GRIN2D: variants seen among roughly 807,000 people sequenced by gnomAD.
GRIN2D encodes the protein glutamate ionotropic receptor NMDA type subunit 2D.
In GRIN2D, 37 loss-of-function variants were observed where a neutral mutation model predicts 103.2. The observed-to-expected ratio is 0.36, with a 90% CI of 0.28 to 0.47. GRIN2D has a LOEUF of 0.47. Among genes scored for constraint, GRIN2D ranks in the 20% least tolerant of loss-of-function variants. The pLI, the probability that GRIN2D is intolerant of heterozygous loss-of-function variation, is 1.00. For missense variants in GRIN2D, 1,557 were observed against 1,910.6 expected (o/e 0.81, Z 3.45); for synonymous variants, 845 against 885.6 (o/e 0.95, Z 0.81).
In GRIN2D at chr19:48,412,457, G is replaced by GA. The variant is rs1479819583; in HGVS notation, c.1086-1531dup. ...AGAAAGAAAGAAAGAAAGAAAGAAA[G>GA]AAAGAAAGAAAGAAAGAAAGAAAGA... is the stretch of plus-strand genomic sequence containing the variant. On this transcript the variant is annotated intron_variant, in intron 4 of 13. Transcript: ENST00000263269. Among the ~76,000 whole-genome samples, 4 of 149,644 alleles carry GA rather than the reference G, an allele frequency of 2.7e-5. No individual in the cohort carries two copies. In the East Asian group the frequency reaches 7.9e-4, roughly 29 times the overall value.
At chr19:48,433,048 C>A (rs1971178037) in intron 11 of GRIN2D, among the ~76,000 whole-genome samples, 1 of 88,866 alleles carries the variant, frequency 1.1e-5, no homozygotes, top group African/African-American at 4.4e-5. Flanking sequence ...ACCTCAGCCT[C>A]CCAAAGTGCT....
At position 48,394,253 on chromosome 19, in the gene GRIN2D, A is replaced by T. The variant is rs970756014; in HGVS notation, c.-306+385A>T. On this transcript the variant is annotated intron_variant, in intron 1 of 13. Transcript: ENST00000263269. The surrounding 1 kb of genome is among the most constrained non-coding windows in gnomAD (Gnocchi z 5.1). ...GTTGAGGGGGAATCCCAGGGAAGTG[A>T]GATCGTGCGTGTGTGCGTGAGTGTA... 6.6e-5 allele frequency among the ~76,000 whole-genome samples: 10 copies of T among 151,444 alleles called. No individual in the cohort carries two copies. The highest frequency in any genetic ancestry group is 1.9e-4 in the African/African-American group (8 of 41,220).
chr19:48,406,255 C>A (rs1970790923), intron 4 of GRIN2D, among the ~76,000 whole-genome samples: 1 of 152,216 alleles, frequency 6.6e-6, no homozygotes, highest in African/African-American at 2.4e-5. Flanking sequence ...AATATTACTC[C>A]TGCACATGGC....
chr19:48,424,010 G>C (rs1971054985), intron 11 of GRIN2D, among the ~76,000 whole-genome samples: 1 of 151,950 alleles, frequency 6.6e-6, no homozygotes, highest in Non-Finnish European at 1.5e-5. Context: ...GTAGAGATGA[G>C]GTTTCACCAT....
At chr19:48,424,651 G>C (rs1010663941) in intron 11 of GRIN2D, among the ~76,000 whole-genome samples, 5 of 152,020 alleles carry the variant, frequency 3.3e-5, no homozygotes, top group African/African-American at 1.2e-4. Context: ...ACATGGGTGA[G>C]ACCGTTTACA....
chr19:48,443,628 C>A lies in GRIN2D; in HGVS notation c.3702C>A (p.His1234Gln). Residue 1234 changes from histidine to glutamine, a missense_variant, in exon 14 of 14, where the codon CAC (histidine) becomes CAA (glutamine). Transcript: ENST00000263269. This position sits in a 1 kb window ranked among gnomAD's most constrained non-coding sequence, Gnocchi z 8.9. Reference sequence around the variant, plus strand: ...GCGGGTGCCCGCGGTCGCACCCGCACCGCCCGCGGGCCTCGCACCGCACGC... The same window carrying A: ...GCGGGTGCCCGCGGTCGCACCCGCAACGCCCGCGGGCCTCGCACCGCACGC... The part of the protein sequence containing the change: ...ARCGCPRSHP[H>Q]RPRASHRTPA... 9.3e-7 allele frequency: 1 copy of A among 1,080,274 alleles called. No individual in the cohort carries two copies. Among genetic ancestry groups the A allele is most frequent in the Non-Finnish European group, 1.1e-6 (1 of 896,380 alleles). The allele number at this position is 1,080,274 out of a possible 1,614,324, so 66.9% of individuals were successfully genotyped here. A position where few individuals can be genotyped will look rare whatever the true frequency, so the allele number is the denominator to read the frequency against.
chr19:48,415,982 C>G lies in GRIN2D; in HGVS notation c.1582-20C>G, dbSNP rs1970942651. ...CTTGAGCCGGGTTCCCCCGCCCACT[C>G]CTCATCGCCCCCACCCCAGGTGTTC... On this transcript the variant is annotated intron_variant, in intron 7 of 13. Coordinates refer to ENST00000263269, the MANE Select transcript of GRIN2D (RefSeq NM_000836.4). The G allele has an allele frequency of 5.0e-6, 8 of 1,608,802 alleles. No individual in the cohort carries two copies. The highest frequency in any genetic ancestry group is 6.8e-6 in the Non-Finnish European group (8 of 1,176,992).
rs566785562 is a variant in GRIN2D at position 48,444,726 on chromosome 19, C to T, written c.*789C>T. ...CCCCACTTGCCACCAAGCACATCCT[C>T]TCCAAATCCAACCCTTATTTGCGAC... On this transcript the variant is annotated 3_prime_UTR_variant, in exon 14 of 14. Coordinates refer to ENST00000263269, the MANE Select transcript of GRIN2D (RefSeq NM_000836.4). The surrounding 1 kb of genome is among the most constrained non-coding windows in gnomAD (Gnocchi z 5.5). The T allele has an allele frequency of 6.5e-6, 1 of 152,736 alleles. No individual in the cohort carries two copies. The highest frequency in any genetic ancestry group is 2.1e-4 in the South Asian group (1 of 4,864). The allele number at this position is 152,736 out of a possible 1,614,324, so 9.5% of individuals were successfully genotyped here. A position where few individuals can be genotyped will look rare whatever the true frequency, so the allele number is the denominator to read the frequency against.
At chr19:48,423,016 G>A (rs906310217) in intron 11 of GRIN2D, among the ~76,000 whole-genome samples, 6 of 151,934 alleles carry the variant, frequency 3.9e-5, no homozygotes, top group African/African-American at 1.5e-4. Flanking sequence ...TTTGAGAACA[G>A]CCTGGCCAAC....
chr19:48,419,159 G>T, intron 8 of GRIN2D, 75 bp from the exon 9 acceptor site: 8 of 1,441,956 alleles, frequency 5.5e-6, no homozygotes, highest in Non-Finnish European at 7.5e-6. Context: ...GAGTACAGGC[G>T]TGAGGCACCG....
rs1287865649 is a variant in GRIN2D, at chr19:48,414,611, G to A, written c.1412+27G>A. On this transcript the variant is annotated intron_variant, in intron 6 of 13. Coordinates refer to ENST00000263269, the MANE Select transcript of GRIN2D (RefSeq NM_000836.4). This position sits in a 1 kb window ranked among gnomAD's most constrained non-coding sequence, Gnocchi z 4.6. The stretch of plus-strand genomic sequence containing the variant: ...TGACAGCTCGGGATCCAGGAGTTCC[G>A]GCTCCAAAACCCGCCTCCCGTGAAG... The A allele has an allele frequency of 1.3e-6, 2 of 1,543,900 alleles. No homozygotes were observed. Among genetic ancestry groups the A allele is most frequent in the African/African-American group, 2.7e-5 (2 of 72,850 alleles).
intron 11 of GRIN2D, among the ~76,000 whole-genome samples, chr19:48,427,713 C>A (rs534365398): frequency 4.9e-4 from 74 of 151,888 alleles, no homozygotes; most frequent in African/African-American, 1.5e-3. Context: ...GAACTCTTGA[C>A]CTTGTGATCC....
chr19:48,422,597 G>A (rs918027800), intron 11 of GRIN2D, among the ~76,000 whole-genome samples: 4 of 148,986 alleles, frequency 2.7e-5, no homozygotes, highest in East Asian at 2.0e-4. Context: ...GCGACAGAGC[G>A]AGACTCCGTC....
chr19:48,426,220 C>CTTTTTTTTTTTTTTTTTTTTTTTTTT (rs1253186603), intron 11 of GRIN2D, among the ~76,000 whole-genome samples: 2 of 127,106 alleles, frequency 1.6e-5, no homozygotes, highest in African/African-American at 7.0e-5. Context: ...TTCTTTCTTT[C>CTTTTTTTTTTTTTTTTTTTTTTTTTT]TTTCTTTTTT....
intron 11 of GRIN2D, among the ~76,000 whole-genome samples, chr19:48,430,051 A>G (rs574829856): frequency 5.9e-4 from 90 of 152,228 alleles, no homozygotes; most frequent in African/African-American, 2.1e-3. Flanking sequence ...AGACATACTC[A>G]TACTCTTATT....
rs1304294675 is a variant in GRIN2D at position 48,394,280 on chromosome 19, G to C, written c.-305-378G>C. Among the ~76,000 whole-genome samples, 1 of 151,816 alleles carries C rather than the reference G, an allele frequency of 6.6e-6. No homozygotes were observed. Among genetic ancestry groups the C allele is most frequent in the Non-Finnish European group, 1.5e-5 (1 of 67,960 alleles). ...ATCGTGCGTGTGTGCGTGAGTGTAT[G>C]TGTGTTTCTGCCTGTGTTTGAGAGT... On this transcript the variant is annotated intron_variant, in intron 1 of 13. Transcript: ENST00000263269. This position sits in a 1 kb window ranked among gnomAD's most constrained non-coding sequence, Gnocchi z 5.1.
At chr19:48,400,754 C>T (rs1271200279) in intron 3 of GRIN2D, among the ~76,000 whole-genome samples, 2 of 152,158 alleles carry the variant, frequency 1.3e-5, no homozygotes, top group African/African-American at 4.8e-5. Flanking sequence ...GGAAGAGGTT[C>T]TCCTTGCATT....
chr19:48,442,687 C>A lies in GRIN2D; in HGVS notation c.2761C>A (p.Pro921Thr). The A allele has an allele frequency of 1.7e-6, 2 of 1,202,692 alleles. No homozygotes were observed. The highest frequency in any genetic ancestry group is 2.1e-6 in the Non-Finnish European group (2 of 970,946). 74.5% of individuals were successfully genotyped at this position (1,202,692 alleles called of 1,614,324 possible). The change falls in exon 14 of 14, where the codon CCC (proline) becomes ACC (threonine). Residue 921 changes from proline (P) to threonine (T), a missense_variant. Pro to Thr is a conservative substitution (Grantham distance 38). Around this residue, in one of 7 missense-constraint regions of GRIN2D, gnomAD observed 632 missense variants for 572.8 expected, o/e 1.10. Transcript: ENST00000263269. This position sits in a 1 kb window ranked among gnomAD's most constrained non-coding sequence, Gnocchi z 7.2. The part of the protein sequence containing the change: ...PPQPLPSPAY[P>T]APRPAPGPAP... ...ACAGCCCCTGCCCAGCCCCGCGTAC[C>A]CCGCGCCGCGGCCGGCTCCCGGGCC...
At chr19:48,422,470 G>C (rs1015280135) in intron 11 of GRIN2D, among the ~76,000 whole-genome samples, 1 of 152,050 alleles carries the variant, frequency 6.6e-6, no homozygotes, top group African/African-American at 2.4e-5. Flanking sequence ...AATTAGCTGG[G>C]CGTGGTGGCA....
Sources: allele counts gnomAD v4.1 joint callset (sites outside exome capture counted in the v4.1 genomes callset), GRCh38; gene constraint gnomAD v4.1.1; regional missense constraint gnomAD v4.1.1; non-coding constraint Gnocchi (gnomAD v3.1); transcripts MANE v1.5; gene names NCBI Gene and HGNC (gene_info 2026-07-23, HGNC 2026-07-21).